The following ATIC variants were observed in gnomAD, a reference collection of about 807,000 sequenced individuals.
The protein encoded by ATIC is 5-aminoimidazole-4-carboxamide ribonucleotide formyltransferase/IMP cyclohydrolase.
In ATIC, 64 loss-of-function variants were observed where a neutral mutation model predicts 72.5. That is an observed-to-expected ratio of 0.88 (90% CI 0.72 to 1.09). The LOEUF (loss-of-function observed/expected upper bound fraction) is 1.09, where lower values mean the gene tolerates loss of function less well. Among genes scored for constraint, ATIC ranks in the 50% least tolerant of loss-of-function variants. ATIC has a pLI of 0.00. For missense variants in ATIC, 787 were observed against 732.4 expected (o/e 1.07, Z -0.86); for synonymous variants, 281 against 267.1 (o/e 1.05, Z -0.51).
chr2:215,323,995 C>G (rs1359275003), intron 4 of ATIC, among the ~76,000 whole-genome samples: 1 of 152,196 alleles, frequency 6.6e-6, no homozygotes, highest in African/African-American at 2.4e-5. Context: ...CTTCCAACCT[C>G]AGTTGATCCA....
chr2:215,345,065 C>A, intron 13 of ATIC, 194 bp downstream of exon 13: 1 of 655,656 alleles, frequency 1.5e-6, no homozygotes, highest in Non-Finnish European at 2.7e-6. Flanking sequence ...ATCTTTGGAA[C>A]CAGGTACTCA....
rs1278175565 is a variant in ATIC, at chr2:215,333,381, T to C, written c.846T>C (p.Asp282=). ...GAAVGIPLSE[D]EAKVCMVYDL... is the part of the protein sequence containing the mutation. ...CTGTTGGAATTCCACTCAGTGAAGA[T>C]GAGGCCAAAGTCTGCATGGTTTATG... Residue 282 remains aspartate, a synonymous_variant, in exon 9 of 16, where the codon GAT becomes GAC. Transcript: ENST00000236959. The C allele has an allele frequency of 1.9e-6, 3 of 1,614,166 alleles. No homozygotes were observed. Among genetic ancestry groups the C allele is most frequent in the Non-Finnish European group, 8.5e-7 (1 of 1,180,030 alleles).
intron 8 of ATIC, among the ~76,000 whole-genome samples, chr2:215,333,102 C>T (rs902833053): frequency 2.6e-5 from 4 of 152,230 alleles, no homozygotes; most frequent in South Asian, 2.1e-4. Flanking sequence ...TTCACCTACA[C>T]GCTGGGTACT....
chr2:215,356,288 T>C, the ATIC span, among the ~76,000 whole-genome samples: 3 of 152,236 alleles, frequency 2.0e-5, no homozygotes, highest in Non-Finnish European at 4.4e-5. Context: ...TGGAAATTAC[T>C]ATGAAAAATG....
chr2:215,343,689 A>G (rs1172857388), intron 12 of ATIC, among the ~76,000 whole-genome samples: 2 of 152,068 alleles, frequency 1.3e-5, no homozygotes, highest in African/African-American at 4.8e-5. Flanking sequence ...TTGTTGTTGG[A>G]TATGAGGTTT....
At chr2:215,326,514 G>T (rs1575117138) in intron 6 of ATIC, among the ~76,000 whole-genome samples, 1 of 152,002 alleles carries the variant, frequency 6.6e-6, no homozygotes, top group African/African-American at 2.4e-5. Context: ...GGAGACTGAG[G>T]CAGGAGAATC....
chr2:215,354,523 A>G (rs1409673559), downstream of ATIC, among the ~76,000 whole-genome samples: 1 of 151,868 alleles, frequency 6.6e-6, no homozygotes, highest in Non-Finnish European at 1.5e-5. Context: ...AGCAATTCCT[A>G]TATCTCTTAG....
chr2:215,346,996 A>G lies in ATIC; in HGVS notation c.1503+55A>G, dbSNP rs1014267263. The G allele has an allele frequency of 3.8e-6, 6 of 1,576,560 alleles. No individual in the cohort carries two copies. The Admixed American group carries it at 5.1e-5, about 13-fold the overall frequency. ...GTGTTAATATTCAGTTCAACCCTTT[A>G]TGTGTAACAGATTTTAACTTCATCA... On this transcript the variant is annotated intron_variant, in intron 14 of 15. Transcript: ENST00000236959.
chr2:215,365,666 T>C, the ATIC span: 13 of 1,611,250 alleles, frequency 8.1e-6, no homozygotes, highest in Non-Finnish European at 1.0e-5. Context: ...CAAAAAGTTA[T>C]TTGTATATTC....
chr2:215,322,926 T>G (rs2052785150), intron 4 of ATIC, among the ~76,000 whole-genome samples: 1 of 151,948 alleles, frequency 6.6e-6, no homozygotes, highest in Non-Finnish European at 1.5e-5. Flanking sequence ...TTTTTCTGTT[T>G]TTTGTTTGTT....
intron 12 of ATIC, among the ~76,000 whole-genome samples, chr2:215,341,937 A>C (rs1217519717): frequency 6.6e-6 from 1 of 152,162 alleles, no homozygotes; most frequent in African/African-American, 2.4e-5. Flanking sequence ...GGAATCTTAT[A>C]ATCATGGCAG....
intron 4 of ATIC, among the ~76,000 whole-genome samples, chr2:215,321,608 TG>T (rs1193611928): frequency 1.3e-5 from 2 of 152,196 alleles, no homozygotes; most frequent in Non-Finnish European, 2.9e-5. Flanking sequence ...GTGTGCTGGA[TG>T]GGGCTCCAGT....
rs551274501 is a variant in ATIC, at chr2:215,334,189, C to CTTTTTTTT, written c.923-715_923-708dup. ...AAAATTGAAATTACAAAAAGCTATT[C>CTTTTTTTT]TTTTTTTTTTTTTTTTTTTTTTGAG... is the stretch of plus-strand genomic sequence containing the variant. On this transcript the variant is annotated intron_variant, in intron 9 of 15. Transcript: ENST00000236959. Among the ~76,000 whole-genome samples the CTTTTTTTT allele has an allele frequency of 7.2e-4, 73 of 100,968 alleles. 1 individual carries two copies. Among genetic ancestry groups the CTTTTTTTT allele is most frequent in the South Asian group, 1.2e-3 (3 of 2,530 alleles). 66.2% of individuals were successfully genotyped at this position (100,968 alleles called of 152,430 possible).
the ATIC span, among the ~76,000 whole-genome samples, chr2:215,357,877 G>T: frequency 6.8e-5 from 10 of 146,336 alleles, no homozygotes; most frequent in African/African-American, 2.5e-4. Flanking sequence ...GAGTTGAATT[G>T]TCTCCCTTGA....
chr2:215,352,150 A>G (rs991799005), downstream of ATIC, among the ~76,000 whole-genome samples: 1 of 152,370 alleles, frequency 6.6e-6, no homozygotes, highest in Middle Eastern at 3.4e-3. Flanking sequence ...GTAAAAACTA[A>G]GAAAATCTAA....
At chr2:215,318,755 C>G (rs985750737) in intron 3 of ATIC, among the ~76,000 whole-genome samples, 2 of 152,090 alleles carry the variant, frequency 1.3e-5, no homozygotes, top group Non-Finnish European at 2.9e-5. Flanking sequence ...AAGCCATTGA[C>G]TTACAGAAAC....
the ATIC span, among the ~76,000 whole-genome samples, chr2:215,366,956 T>C: frequency 1.3e-5 from 2 of 152,234 alleles, no homozygotes; most frequent in Non-Finnish European, 2.9e-5. Flanking sequence ...GAAGTCTATA[T>C]TGAAAACACT....
chr2:215,328,719 T>C (rs1291416439), intron 7 of ATIC, among the ~76,000 whole-genome samples: 4 of 76,940 alleles, frequency 5.2e-5, no homozygotes, highest in South Asian at 3.5e-4. Context: ...GGCAGCTTCC[T>C]TTTTTTTTTT....
the ATIC span, among the ~76,000 whole-genome samples, chr2:215,364,083 C>G: frequency 6.6e-6 from 1 of 152,198 alleles, no homozygotes; most frequent in Non-Finnish European, 1.5e-5. Context: ...CTAATTCCAG[C>G]CTACCCAGAA....
Sources: allele counts gnomAD v4.1 joint callset (sites outside exome capture counted in the v4.1 genomes callset), GRCh38; gene constraint gnomAD v4.1.1; transcripts MANE v1.5; gene names NCBI Gene and HGNC (gene_info 2026-07-23, HGNC 2026-07-21).